TMEM63C: variants seen among roughly 807,000 people sequenced by gnomAD.
TMEM63C encodes osmosensitive cation channel TMEM63C.
A neutral mutation model predicts 99.2 loss-of-function variants in TMEM63C; 32 were observed. That is an observed-to-expected ratio of 0.32 (90% CI 0.24 to 0.43). The LOEUF is 0.43. Among genes scored for constraint, TMEM63C ranks in the 20% least tolerant of loss-of-function variants. TMEM63C has a pLI of 1.00. For missense variants in TMEM63C, 826 were observed against 1,053.0 expected (o/e 0.78, Z 2.98); for synonymous variants, 376 against 397.9 (o/e 0.94, Z 0.66).
At chr14:77,231,853 T>G in intron 7 of TMEM63C, 123 bp downstream of exon 7, 3 of 1,117,854 alleles carry the variant, frequency 2.7e-6, no homozygotes, top group Non-Finnish European at 3.8e-6. Context: ...GAGTTTGTTG[T>G]TGTGTGAACT....
intron 6 of TMEM63C, among the ~76,000 whole-genome samples, chr14:77,225,775 TC>T (rs753799437): frequency 2.6e-5 from 4 of 152,174 alleles, no homozygotes; most frequent in Admixed American, 6.5e-5. Context: ...AAGAAACCCT[TC>T]CTTTGTGCTA....
At position 77,253,396 on chromosome 14, in the gene TMEM63C, G is replaced by C; in HGVS notation, c.2220+20G>C. The C allele has an allele frequency of 6.3e-7, 1 of 1,597,004 alleles. No homozygotes were observed. The highest frequency in any genetic ancestry group is 8.5e-7 in the Non-Finnish European group (1 of 1,171,694). ...TCCCTCGTGAGTCCTGAGTCCCAGG[G>C]ACAGGTTGGGAGGGTGGTGCTTGCA... On this transcript the variant is annotated intron_variant, in intron 23 of 23. Coordinates refer to ENST00000298351, the MANE Select transcript of TMEM63C (RefSeq NM_020431.4).
intron 5 of TMEM63C, among the ~76,000 whole-genome samples, chr14:77,221,854 T>C (rs1326268808): frequency 6.6e-6 from 1 of 151,742 alleles, no homozygotes; most frequent in Non-Finnish European, 1.5e-5. Context: ...GTAGACCGTC[T>C]TTCTCTCTTG....
In TMEM63C at chr14:77,240,471, C is replaced by T. The variant is rs759404918; in HGVS notation, c.931-4C>T. The T allele has an allele frequency of 3.7e-6, 6 of 1,607,638 alleles. No individual in the cohort carries two copies. In the African/African-American group the frequency reaches 4.0e-5, roughly 11 times the overall value. On this transcript the variant is annotated splice_polypyrimidine_tract_variant and splice_region_variant and intron_variant, in intron 12 of 23. Coordinates refer to ENST00000298351, the MANE Select transcript of TMEM63C (RefSeq NM_020431.4). ...CCAGCCCTGAAGGCTGCCTGCCACC[C>T]CAGGTGGATGCAGAGCAGTATTACA...
chr14:77,213,970 G>A (rs1237893214), intron 2 of TMEM63C, among the ~76,000 whole-genome samples: 1 of 151,994 alleles, frequency 6.6e-6, no homozygotes. Context: ...CTGTTTCCAG[G>A]ACTACTCTCA....
At chr14:77,243,993 G>C (rs1296424071) in intron 15 of TMEM63C, among the ~76,000 whole-genome samples, 1 of 152,146 alleles carries the variant, frequency 6.6e-6, no homozygotes, top group Non-Finnish European at 1.5e-5. Flanking sequence ...GAGGGCCACA[G>C]CTCTCCCTGG....
At chr14:77,246,461 A>G (rs758602562) in intron 17 of TMEM63C, 148 bp from the exon 18 acceptor site, 2 of 717,958 alleles carry the variant, frequency 2.8e-6, no homozygotes, top group Non-Finnish European at 4.8e-6. Flanking sequence ...ACAGCCCAGC[A>G]CTAAGAAGGA....
At chr14:77,208,841 GAGC>G (rs1388258053) in intron 1 of TMEM63C, among the ~76,000 whole-genome samples, 1 of 152,230 alleles carries the variant, frequency 6.6e-6, no homozygotes, top group African/African-American at 2.4e-5. Flanking sequence ...CCCTGGCAGA[GAGC>G]AGCAGAAGCA....
Position 77,245,941 on chromosome 14 carries a change from T to G in TMEM63C, c.1450T>G (p.Ser484Ala). Residue 484 changes from serine to alanine, a missense_variant and splice_region_variant, in exon 17 of 24, where the codon TCA becomes GCA. Transcript: ENST00000298351. The part of the protein sequence containing the change: ...SAFLEAHWTR[S>A]SQNLVMVHKC... ...GAATATCTCTCTGTTTCCTTCTAGA[T>G]CAAGTCAGAATCTGGTCATGGTGCA... is the stretch of plus-strand genomic sequence containing the variant. The G allele has an allele frequency of 6.2e-7, 1 of 1,613,376 alleles. No homozygotes were observed. The highest frequency in any genetic ancestry group is 1.7e-4 in the Middle Eastern group (1 of 6,058).
In TMEM63C at chr14:77,239,448, C is replaced by T. The variant is rs1566628782; in HGVS notation, c.762C>T (p.His254=). The T allele has an allele frequency of 6.2e-7, 1 of 1,613,704 alleles. No homozygotes were observed. The highest frequency in any genetic ancestry group is 1.1e-5 in the South Asian group (1 of 91,082). Residue 254 remains histidine (H), a synonymous_variant, in exon 11 of 24, where the codon CAC becomes CAT. Coordinates refer to ENST00000298351, the MANE Select transcript of TMEM63C (RefSeq NM_020431.4). ...AYPGSVVTRV[H]FCYDVRNLID... is the part of the protein sequence containing the mutation. ...CAGGCAGTGTCGTGACAAGAGTCCA[C>T]TTCTGCTACGACGTCAGGAACCTGA... is the stretch of plus-strand genomic sequence containing the variant.
rs143487773 is a variant in TMEM63C, at chr14:77,217,801, G to A, written c.-13-1000G>A. On this transcript the variant is annotated intron_variant, in intron 2 of 23. Coordinates refer to ENST00000298351, the MANE Select transcript of TMEM63C (RefSeq NM_020431.4). ...AGGTCCTGGTCTCCCTAGTTCAAAT[G>A]CCTGGAAGACAGAGACCTTTCTAAG... Among the ~76,000 whole-genome samples, 16 of 152,332 alleles carry A rather than the reference G, an allele frequency of 1.1e-4. No homozygotes were observed. The East Asian group carries it at 2.9e-3, about 28-fold the overall frequency.
chr14:77,219,431 AG>A, intron 3 of TMEM63C, 66 bp from the exon 4 acceptor site: 1 of 1,537,614 alleles, frequency 6.5e-7, no homozygotes, highest in South Asian at 1.1e-5. Context: ...AAGGGAATGC[AG>A]GGGGCCAGCC....
At chr14:77,205,167 G>A (rs897985266) in intron 1 of TMEM63C, among the ~76,000 whole-genome samples, 1 of 152,242 alleles carries the variant, frequency 6.6e-6, no homozygotes, top group African/African-American at 2.4e-5. Context: ...AACAACCTAG[G>A]AGGCTGGAGA....
chr14:77,249,935 A>G (rs1246692768), intron 21 of TMEM63C, among the ~76,000 whole-genome samples: 35 of 152,224 alleles, frequency 2.3e-4, no homozygotes, highest in Admixed American at 2.3e-3. Context: ...CCTGGTCTCA[A>G]GCAATTCTGC....
intron 1 of TMEM63C, among the ~76,000 whole-genome samples, chr14:77,185,491 G>T (rs1445354720): frequency 6.6e-6 from 1 of 152,228 alleles, no homozygotes; most frequent in Non-Finnish European, 1.5e-5. Flanking sequence ...TCGAGTCCCA[G>T]CAGAAGAGCA....
intron 1 of TMEM63C, among the ~76,000 whole-genome samples, chr14:77,204,317 A>C (rs910133700): frequency 6.6e-6 from 1 of 152,188 alleles, no homozygotes; most frequent in African/African-American, 2.4e-5. Flanking sequence ...CTTTGAGCAA[A>C]GCCCTAGGGG....
At chr14:77,219,938 G>T in intron 4 of TMEM63C, 68 bp from the exon 5 acceptor site, 1 of 1,447,454 alleles carries the variant, frequency 6.9e-7, no homozygotes. Flanking sequence ...GAGTGGGGAG[G>T]GAGCAGGGCA....
At chr14:77,219,888 C>T (rs749445404) in intron 4 of TMEM63C, 118 bp from the exon 5 acceptor site, 25 of 905,672 alleles carry the variant, frequency 2.8e-5, no homozygotes, top group Non-Finnish European at 3.7e-5. Flanking sequence ...AGCTGAGGAG[C>T]GCCTGCCCGT....
At position 77,226,338 on chromosome 14, in the gene TMEM63C, A is replaced by G. The variant is rs555243519; in HGVS notation, c.350+877A>G. Among the ~76,000 whole-genome samples, 6 of 152,188 alleles carry G rather than the reference A, an allele frequency of 3.9e-5. No homozygotes were observed. The South Asian group carries it at 6.2e-4, about 16-fold the overall frequency. ...AGGCAGGGCATTGCACCGTGCATCC[A>G]GCAGCTCTTGAGAGCAGTGTCATAG... On this transcript the variant is annotated intron_variant, in intron 6 of 23. Coordinates refer to ENST00000298351, the MANE Select transcript of TMEM63C (RefSeq NM_020431.4).
Sources: gnomAD v4.1 joint callset for allele counts (sites outside exome capture counted in the v4.1 genomes callset) on GRCh38, gnomAD v4.1.1 for gene constraint, MANE v1.5 for transcripts, NCBI Gene and HGNC (gene_info 2026-07-23, HGNC 2026-07-21) for gene names.